Variants in KDM4B observed in about 807,000 individuals in gnomAD.
The protein encoded by KDM4B is lysine-specific demethylase 4B.
Under a neutral mutation model 125.2 loss-of-function variants are expected in KDM4B, and 32 were observed. The ratio of observed to expected loss-of-function variants is 0.26; its 90% CI spans 0.19 to 0.34. The LOEUF (loss-of-function observed/expected upper bound fraction) is 0.34. Among genes scored for constraint, KDM4B ranks in the 10% least tolerant of loss-of-function variants. The pLI, the probability that KDM4B is intolerant of heterozygous loss-of-function variation, is 1.00. For synonymous variants in KDM4B, 721 were observed against 677.9 expected, an observed-to-expected ratio of 1.06 and a Z score of -0.99; for missense variants, 1,190 against 1,577.7, an observed-to-expected ratio of 0.75 and a Z score of 4.16.
At chr19:5,137,202 A>C (rs1041690986) in intron 15 of KDM4B, 60 bp from the exon 16 acceptor site, 12 of 1,309,578 alleles carry the variant, frequency 9.2e-6, no homozygotes, top group African/African-American at 1.5e-5. Context: ...CCTGAGTTTC[A>C]CTCGGCTCCC....
At chr19:5,048,254 C>T (rs1261800045) in intron 6 of KDM4B, among the ~76,000 whole-genome samples, 1 of 152,232 alleles carries the variant, frequency 6.6e-6, no homozygotes, top group Non-Finnish European at 1.5e-5. Context: ...CTTCTCCTGG[C>T]TCCCTGTGCA....
intron 1 of KDM4B, among the ~76,000 whole-genome samples, chr19:4,969,578 G>C (rs2034173369): frequency 6.6e-6 from 1 of 151,612 alleles, no homozygotes; most frequent in Admixed American, 6.6e-5. Context: ...AGCGTGGGTG[G>C]CCCCGGCCGG....
chr19:5,054,722 C>T (rs184786739), intron 6 of KDM4B, among the ~76,000 whole-genome samples: 1 of 152,320 alleles, frequency 6.6e-6, no homozygotes, highest in Non-Finnish European at 1.5e-5. Context: ...TAGAGCGTGG[C>T]GTGTGGCGCT....
intron 2 of KDM4B, among the ~76,000 whole-genome samples, chr19:5,017,386 T>G (rs988511629): frequency 1.3e-5 from 2 of 152,200 alleles, no homozygotes; most frequent in African/African-American, 4.8e-5. Flanking sequence ...TGCCTGAGCA[T>G]TGTCCCTGGT....
chr19:5,077,303 A>G lies in KDM4B; in HGVS notation c.677-64A>G, dbSNP rs557428171. On this transcript the variant is annotated intron_variant, in intron 7 of 22. Transcript: ENST00000159111. ...GAAAGAGCCAGCCTGCCCAGAGGGC[A>G]GCATCCTCGCTGACCCCGGCCGGCT... The G allele has an allele frequency of 1.0e-5, 14 of 1,393,658 alleles. No individual in the cohort carries two copies. The Admixed American group carries it at 2.4e-4, about 24-fold the overall frequency. The allele number at this position is 1,393,658 out of a possible 1,614,324, so 86.3% of individuals were successfully genotyped here. A position where few individuals can be genotyped will look rare whatever the true frequency, so the allele number is the denominator to read the frequency against.
chr19:5,070,914 C>T, intron 6 of KDM4B, 96 bp from the exon 7 acceptor site: 7 of 1,284,096 alleles, frequency 5.5e-6, no homozygotes, highest in Non-Finnish European at 7.8e-6. Flanking sequence ...CTGCCCTGGG[C>T]ACTGTCTGCG....
intron 1 of KDM4B, among the ~76,000 whole-genome samples, chr19:4,994,344 G>T (rs899086188): frequency 1.3e-5 from 2 of 151,788 alleles, no homozygotes; most frequent in African/African-American, 4.8e-5. Context: ...GGCCGAGGCG[G>T]GTGGATCACC....
intron 3 of KDM4B, 38 bp downstream of exon 3, chr19:5,033,069 G>C: frequency 6.2e-7 from 1 of 1,602,352 alleles, no homozygotes; most frequent in Non-Finnish European, 8.5e-7. Context: ...CCCTCCATCA[G>C]CCTGCGCCGC....
At chr19:5,148,557 G>A (rs555928045) in intron 21 of KDM4B, among the ~76,000 whole-genome samples, 6 of 152,232 alleles carry the variant, frequency 3.9e-5, no homozygotes, top group Non-Finnish European at 8.8e-5. Flanking sequence ...GCCAGAAGCC[G>A]AGAGGCCGAG....
intron 6 of KDM4B, among the ~76,000 whole-genome samples, chr19:5,064,808 A>G (rs2037715609): frequency 6.6e-6 from 1 of 152,146 alleles, no homozygotes; most frequent in Non-Finnish European, 1.5e-5. Context: ...CCGCCCAGGT[A>G]GGGAGCCTGG....
chr19:5,019,374 ATTGGTGTGCAGGTGCTGGTGTGGATG>A (rs1568231658), intron 2 of KDM4B, among the ~76,000 whole-genome samples: 42 of 95,626 alleles, frequency 4.4e-4, no homozygotes, highest in Admixed American at 9.6e-4. Flanking sequence ...TGGTGTGGAC[ATTGGTGTGCAGGTGCTGGTGTGGATG>A]TTGGTGTGCA....
At chr19:5,137,062 C>G (rs2039660445) in intron 15 of KDM4B, among the ~76,000 whole-genome samples, 200 bp from the exon 16 acceptor site, 1 of 152,216 alleles carries the variant, frequency 6.6e-6, no homozygotes, top group South Asian at 2.1e-4. Context: ...CTTTCTCTCG[C>G]TCCACATGCA....
intron 13 of KDM4B, 101 bp from the exon 14 acceptor site, chr19:5,133,782 G>A (rs944029509): frequency 1.4e-5 from 18 of 1,262,372 alleles, no homozygotes; most frequent in Non-Finnish European, 2.0e-5. Context: ...GGCAGCCAGG[G>A]CTGTAGACCC....
chr19:4,980,421 CTTTTTT>C (rs572345837), intron 1 of KDM4B, among the ~76,000 whole-genome samples: 2 of 109,728 alleles, frequency 1.8e-5, no homozygotes, highest in Admixed American at 9.4e-5. Flanking sequence ...CCTTTTCTTT[CTTTTTT>C]TTTTTTTTTT....
At chr19:5,111,825 C>T (rs774033962) in intron 10 of KDM4B, 2 of 764,994 alleles carry the variant, frequency 2.6e-6, no homozygotes, top group Non-Finnish European at 4.8e-6. Context: ...AACTCAAGAC[C>T]CTTGCAGATG....
At chr19:5,064,799 C>T (rs763745631) in intron 6 of KDM4B, among the ~76,000 whole-genome samples, 1 of 152,130 alleles carries the variant, frequency 6.6e-6, no homozygotes, top group Non-Finnish European at 1.5e-5. Context: ...CTGGAAGTGC[C>T]GCCCAGGTAG....
At chr19:5,093,695 TGGTC>T (rs2038759126) in intron 9 of KDM4B, among the ~76,000 whole-genome samples, 1 of 152,174 alleles carries the variant, frequency 6.6e-6, no homozygotes, top group African/African-American at 2.4e-5. Context: ...CCCAGACAGA[TGGTC>T]GAGATGGCTG....
chr19:5,052,805 G>A (rs950689252), intron 6 of KDM4B, among the ~76,000 whole-genome samples: 2 of 152,222 alleles, frequency 1.3e-5, no homozygotes, highest in Non-Finnish European at 2.9e-5. Flanking sequence ...GCTGGCGCCC[G>A]GGGACCCTGG....
In KDM4B at chr19:5,142,742, G is replaced by A. The variant is rs569395069; in HGVS notation, c.2551-1225G>A. Reference sequence around the variant, plus strand: ...AGGCCGTGCTGGAGTGATGCCTGGCGCGTGTTGTGTGATGGGAGAATTGGG... The same window carrying A: ...AGGCCGTGCTGGAGTGATGCCTGGCACGTGTTGTGTGATGGGAGAATTGGG... On this transcript the variant is annotated intron_variant, in intron 18 of 22. Coordinates refer to ENST00000159111, the MANE Select transcript of KDM4B (RefSeq NM_015015.3). This position sits in a 1 kb window ranked among gnomAD's most constrained non-coding sequence, Gnocchi z 5.4. 5.9e-5 allele frequency among the ~76,000 whole-genome samples: 9 copies of A among 152,224 alleles called. No individual in the cohort carries two copies. Among genetic ancestry groups the A allele is most frequent in the South Asian group, 4.1e-4 (2 of 4,824 alleles).
Sources: allele counts gnomAD v4.1 joint callset (sites outside exome capture counted in the v4.1 genomes callset), GRCh38; gene constraint gnomAD v4.1.1; non-coding constraint Gnocchi (gnomAD v3.1); transcripts MANE v1.5; gene names NCBI Gene and HGNC (gene_info 2026-07-23, HGNC 2026-07-21).